SEMA5A: variants seen among roughly 807,000 people sequenced by gnomAD.
The protein encoded by SEMA5A is semaphorin 5A.
In SEMA5A, 55 loss-of-function variants were observed where a neutral mutation model predicts 135.5. That is an observed-to-expected ratio of 0.41 (90% CI 0.33 to 0.51). SEMA5A has a LOEUF of 0.51. SEMA5A is among the 20% of genes least tolerant of loss of function. SEMA5A has a pLI of 0.37. For synonymous variants in SEMA5A, 580 were observed against 546.5 expected, an observed-to-expected ratio of 1.06 and a Z score of -0.85; for missense variants, 1,290 against 1,419.9, an observed-to-expected ratio of 0.91 and a Z score of 1.47.
chr5:9,178,551 T>TAGG (rs1744334532), intron 11 of SEMA5A, among the ~76,000 whole-genome samples: 1 of 152,080 alleles, frequency 6.6e-6, no homozygotes, highest in Non-Finnish European at 1.5e-5. Context: ...AGGCTGGTCT[T>TAGG]CAACTCCTGA....
Position 9,382,294 on chromosome 5 carries a change from T to G in SEMA5A, c.-77-2271A>C, listed in dbSNP as rs151121384. Among the ~76,000 whole-genome samples the G allele has an allele frequency of 1.8e-3, 271 of 152,110 alleles. 3 individuals carry two copies. The highest frequency in any genetic ancestry group is 6.4e-3 in the African/African-American group (264 of 41,506). ...CTGCCTAGGCAACAGAGCAAGACTT[T>G]GTCTCTAAATAATAATAATAAATAA... On this transcript the variant is annotated intron_variant, in intron 2 of 22. Coordinates refer to ENST00000382496, the MANE Select transcript of SEMA5A (RefSeq NM_003966.3).
intron 8 of SEMA5A, among the ~76,000 whole-genome samples, chr5:9,215,871 T>A (rs1253639096): frequency 6.6e-6 from 1 of 152,014 alleles, no homozygotes; most frequent in Non-Finnish European, 1.5e-5. Flanking sequence ...TTTGAATGAG[T>A]TTTTATGTCT....
chr5:9,330,669 G>A (rs1460173334), intron 4 of SEMA5A, among the ~76,000 whole-genome samples: 1 of 152,126 alleles, frequency 6.6e-6, no homozygotes, highest in Non-Finnish European at 1.5e-5. Context: ...AGACAACAAG[G>A]AGACTTTTTA....
intron 16 of SEMA5A, among the ~76,000 whole-genome samples, chr5:9,081,479 T>C (rs2150104222): frequency 6.6e-6 from 1 of 152,318 alleles, no homozygotes; most frequent in African/African-American, 2.4e-5. Context: ...GATATATACA[T>C]CCAGTTTCCC....
intron 18 of SEMA5A, among the ~76,000 whole-genome samples, chr5:9,058,063 C>T (rs1189941360): frequency 6.6e-6 from 1 of 152,104 alleles, no homozygotes; most frequent in Non-Finnish European, 1.5e-5. Context: ...AAATGTAAGC[C>T]ACTGTGGAAG....
At chr5:9,232,590 A>G (rs1273309995) in intron 6 of SEMA5A, among the ~76,000 whole-genome samples, 1 of 152,236 alleles carries the variant, frequency 6.6e-6, no homozygotes, top group Non-Finnish European at 1.5e-5. Flanking sequence ...CAGATGCAAT[A>G]TGTAGAGATA....
At chr5:9,218,177 AC>A (rs1312743893) in intron 8 of SEMA5A, among the ~76,000 whole-genome samples, 1 of 152,184 alleles carries the variant, frequency 6.6e-6, no homozygotes, top group Non-Finnish European at 1.5e-5. Flanking sequence ...ACAAACCTTC[AC>A]ATATCCTGCA....
At chr5:9,117,654 T>C (rs1422547026) in intron 15 of SEMA5A, among the ~76,000 whole-genome samples, 1 of 152,216 alleles carries the variant, frequency 6.6e-6, no homozygotes, top group South Asian at 2.1e-4. Context: ...TGTGGCATCA[T>C]GTCACTGCTA....
chr5:9,110,427 G>T (rs1233405080), intron 15 of SEMA5A, among the ~76,000 whole-genome samples: 2 of 152,166 alleles, frequency 1.3e-5, no homozygotes, highest in Non-Finnish European at 2.9e-5. Flanking sequence ...ACTAGAGGAC[G>T]CTGGATTGCA....
intron 6 of SEMA5A, among the ~76,000 whole-genome samples, chr5:9,230,533 A>G (rs1206077568): frequency 1.3e-5 from 2 of 152,150 alleles, no homozygotes; most frequent in African/African-American, 4.8e-5. Context: ...AGACCACGTG[A>G]GAATACATGA....
intron 3 of SEMA5A, among the ~76,000 whole-genome samples, chr5:9,344,406 T>C (rs1043320595): frequency 6.6e-5 from 10 of 152,226 alleles, no homozygotes; most frequent in African/African-American, 1.9e-4. Context: ...GAATCCTTAC[T>C]GCCTAGTAAC....
chr5:9,483,573 A>T (rs1339711606), intron 1 of SEMA5A, among the ~76,000 whole-genome samples: 1 of 152,186 alleles, frequency 6.6e-6, no homozygotes. Context: ...CAACATGACA[A>T]AAAAGAACAT....
At chr5:9,424,715 G>A (rs963354341) in intron 2 of SEMA5A, among the ~76,000 whole-genome samples, 4 of 152,080 alleles carry the variant, frequency 2.6e-5, no homozygotes, top group Non-Finnish European at 5.9e-5. Flanking sequence ...ACTTACTGAG[G>A]TCCAAAACTT....
chr5:9,415,820 A>G (rs986183302), intron 2 of SEMA5A, among the ~76,000 whole-genome samples: 5 of 152,212 alleles, frequency 3.3e-5, no homozygotes, highest in African/African-American at 1.2e-4. Flanking sequence ...AATTCATATA[A>G]TGTTCTGCAG....
chr5:9,462,970 A>T (rs1759112216), intron 1 of SEMA5A, among the ~76,000 whole-genome samples: 1 of 149,284 alleles, frequency 6.7e-6, no homozygotes, highest in Non-Finnish European at 1.5e-5. Flanking sequence ...GTATCCCTGA[A>T]CTTAAAATAA....
chr5:9,314,236 G>C (rs532010824), intron 5 of SEMA5A, among the ~76,000 whole-genome samples: 6 of 152,116 alleles, frequency 3.9e-5, no homozygotes, highest in African/African-American at 1.2e-4. Flanking sequence ...CAAGTCAAAC[G>C]TTCTGTCACT....
At position 9,062,929 on chromosome 5, in the gene SEMA5A, G is replaced by A. The variant is rs780944827; in HGVS notation, c.2476C>T (p.Pro826Ser). ...TTGCATTCCTGGTATTCCAGAGATG[G>A]GCCAAGGCAAGGCATTCCCCCATAC... ...PKYGGMPCLG[P>S]SLEYQECNIL... Residue 826 changes from proline to serine, a missense_variant, in exon 18 of 23, where the codon CCA (proline) becomes TCA (serine). Physicochemically the swap from Pro to Ser is moderately conservative, Grantham distance 74. Around this residue, in one of 3 missense-constraint regions of SEMA5A, gnomAD observed 1,029 missense variants for 1,086.6 expected, o/e 0.95. Coordinates refer to ENST00000382496, the MANE Select transcript of SEMA5A (RefSeq NM_003966.3). 6.2e-7 allele frequency: 1 copy of A among 1,614,216 alleles called. No homozygotes were observed. The highest frequency in any genetic ancestry group is 2.2e-5 in the East Asian group (1 of 44,888).
intron 13 of SEMA5A, among the ~76,000 whole-genome samples, chr5:9,135,400 C>T (rs1179713077): frequency 3.3e-5 from 5 of 152,058 alleles, no homozygotes; most frequent in Non-Finnish European, 7.4e-5. Flanking sequence ...CCAGGATGGT[C>T]TCGATCTCCT....
chr5:9,294,447 G>T (rs143360256), intron 5 of SEMA5A, among the ~76,000 whole-genome samples: 1 of 152,162 alleles, frequency 6.6e-6, no homozygotes, highest in Non-Finnish European at 1.5e-5. Flanking sequence ...CTAAAACCCT[G>T]TTCCTTCCTG....
Sources: gnomAD v4.1 joint callset for allele counts (sites outside exome capture counted in the v4.1 genomes callset) on GRCh38, gnomAD v4.1.1 for gene constraint, gnomAD v4.1.1 regional missense constraint, MANE v1.5 for transcripts, NCBI Gene and HGNC (gene_info 2026-07-23, HGNC 2026-07-21) for gene names.